Variants in SLC24A2 observed in about 807,000 individuals in gnomAD.
SLC24A2 encodes the protein sodium/potassium/calcium exchanger 2.
SLC24A2 carries 36 observed loss-of-function variants against 62.0 expected under a neutral mutation model. The ratio of observed to expected loss-of-function variants is 0.58; its 90% CI spans 0.44 to 0.77. The LOEUF is 0.77. Ranked by LOEUF, SLC24A2 falls within the 30% of genes least tolerant of loss-of-function variation. SLC24A2 has a pLI of 0.00. For missense variants in SLC24A2, 846 were observed against 817.9 expected (o/e 1.03, Z -0.42); for synonymous variants, 358 against 294.0 (o/e 1.22, Z -2.23).
chr9:20,224,562 A>G, the SLC24A2 span, among the ~76,000 whole-genome samples: 4 of 152,230 alleles, frequency 2.6e-5, no homozygotes, highest in Admixed American at 1.3e-4. Context: ...GTAGAAGTTC[A>G]TAGTCTAGCA....
chr9:20,023,243 C>G, the SLC24A2 span, among the ~76,000 whole-genome samples: 2 of 152,174 alleles, frequency 1.3e-5, no homozygotes, highest in Non-Finnish European at 2.9e-5. Context: ...CCTGGTGTTA[C>G]AGTGTTACAA....
intron 2 of SLC24A2, among the ~76,000 whole-genome samples, chr9:19,636,286 C>CTTCTTCTCTTCTTTTCTTTTCTT (rs1818314587): frequency 1.1e-5 from 1 of 88,086 alleles, no homozygotes; most frequent in South Asian, 3.9e-4. Flanking sequence ...CTCTTCTTCT[C>CTTCTTCTCTTCTTTTCTTTTCTT]TTCTTTTCTT....
chr9:19,988,441 A>T, the SLC24A2 span, among the ~76,000 whole-genome samples: 1 of 152,208 alleles, frequency 6.6e-6, no homozygotes, highest in East Asian at 1.9e-4. Flanking sequence ...AATATGGGTC[A>T]GAGGATGGGC....
At position 19,578,358 on chromosome 9, in the gene SLC24A2, C is replaced by CAAA. The variant is rs3085616; in HGVS notation, c.1130-1339_1130-1337dup. 1.4e-3 allele frequency among the ~76,000 whole-genome samples: 186 copies of CAAA among 135,614 alleles called. 2 individuals are homozygous for CAAA. The highest frequency in any genetic ancestry group is 4.8e-3 in the African/African-American group (175 of 36,336). The allele number at this position is 135,614 out of a possible 152,430, so 89.0% of individuals were successfully genotyped here. A position where few individuals can be genotyped will look rare whatever the true frequency, so the allele number is the denominator to read the frequency against. On this transcript the variant is annotated intron_variant, in intron 5 of 10. Coordinates refer to ENST00000341998, the MANE Select transcript of SLC24A2 (RefSeq NM_020344.4). ...TAATAAGTAAATGCATGCAATAAGCCAAAAAAAAAAAAAAAAAAGCAAGCA... is the reference window on the plus strand; with the variant it reads ...TAATAAGTAAATGCATGCAATAAGCCAAAAAAAAAAAAAAAAAAAAAGCAAGCA...
At chr9:19,746,287 G>A (rs1383970595) in intron 2 of SLC24A2, among the ~76,000 whole-genome samples, 1 of 152,032 alleles carries the variant, frequency 6.6e-6, no homozygotes, top group Admixed American at 6.6e-5. Context: ...GTTCATCAGA[G>A]CTCTACGTAA....
intron 5 of SLC24A2, among the ~76,000 whole-genome samples, chr9:19,590,539 C>A (rs1324377461): frequency 6.6e-6 from 1 of 152,146 alleles, no homozygotes; most frequent in East Asian, 1.9e-4. Context: ...AAAGCAATAA[C>A]CACCCCTTCT....
At chr9:19,863,737 G>T in the SLC24A2 span, among the ~76,000 whole-genome samples, 1 of 151,324 alleles carries the variant, frequency 6.6e-6, no homozygotes. Context: ...AGCTATAAGT[G>T]CCCACATCAA....
the SLC24A2 span, among the ~76,000 whole-genome samples, chr9:19,877,631 G>T: frequency 1.1e-4 from 16 of 151,758 alleles, no homozygotes; most frequent in Non-Finnish European, 2.4e-4. Context: ...AAGACAGCAA[G>T]CTGAGGAGGG....
At chr9:19,867,631 C>T in the SLC24A2 span, among the ~76,000 whole-genome samples, 17 of 152,196 alleles carry the variant, frequency 1.1e-4, no homozygotes, top group East Asian at 1.9e-4. Context: ...ACTTTCAGGC[C>T]GGGCGCAGTG....
chr9:20,102,286 T>C, the SLC24A2 span, among the ~76,000 whole-genome samples: 1 of 151,862 alleles, frequency 6.6e-6, no homozygotes, highest in Non-Finnish European at 1.5e-5. Flanking sequence ...GTGGCACATA[T>C]ACACCACAGA....
intron 2 of SLC24A2, among the ~76,000 whole-genome samples, chr9:19,659,891 G>C (rs1031834043): frequency 1.1e-4 from 17 of 152,278 alleles, no homozygotes; most frequent in Non-Finnish European, 2.1e-4. Flanking sequence ...AGCTGGGCAA[G>C]AGCTCAGGTG....
chr9:20,244,341 A>G, the SLC24A2 span, among the ~76,000 whole-genome samples: 1 of 152,206 alleles, frequency 6.6e-6, no homozygotes, highest in Non-Finnish European at 1.5e-5. Context: ...TCAGCATTGT[A>G]AAGAGCAGGA....
At chr9:20,281,559 T>A in the SLC24A2 span, among the ~76,000 whole-genome samples, 1 of 152,222 alleles carries the variant, frequency 6.6e-6, no homozygotes, top group Non-Finnish European at 1.5e-5. Context: ...AAACTTTATA[T>A]AAAGGTAATC....
chr9:19,521,221 G>A (rs1021763609), intron 9 of SLC24A2, among the ~76,000 whole-genome samples, 161 bp from the exon 10 acceptor site: 1 of 152,218 alleles, frequency 6.6e-6, no homozygotes, highest in East Asian at 1.9e-4. Flanking sequence ...TGCTAATAGA[G>A]TTTATGCTTT....
intron 2 of SLC24A2, among the ~76,000 whole-genome samples, chr9:19,776,770 G>C (rs980197904): frequency 1.3e-5 from 2 of 152,184 alleles, no homozygotes; most frequent in African/African-American, 2.4e-5. Context: ...CTGGTCTTCT[G>C]TTTAGGGTGA....
chr9:20,055,746 G>C, the SLC24A2 span, among the ~76,000 whole-genome samples: 5 of 152,114 alleles, frequency 3.3e-5, no homozygotes, highest in African/African-American at 1.2e-4. Context: ...ATATTAGCCA[G>C]GTGTGGTGGT....
chr9:20,049,903 G>C, the SLC24A2 span, among the ~76,000 whole-genome samples: 1 of 151,914 alleles, frequency 6.6e-6, no homozygotes, highest in East Asian at 1.9e-4. Flanking sequence ...CAGATACGAA[G>C]AAAAAAGGGG....
chr9:20,244,597 C>T, the SLC24A2 span, among the ~76,000 whole-genome samples: 1 of 152,216 alleles, frequency 6.6e-6, no homozygotes, highest in Non-Finnish European at 1.5e-5. Context: ...ATCATTCTGC[C>T]TTCAAAGCTA....
the SLC24A2 span, among the ~76,000 whole-genome samples, chr9:20,031,696 C>T: frequency 1.3e-5 from 2 of 152,096 alleles, no homozygotes; most frequent in Non-Finnish European, 2.9e-5. Flanking sequence ...CCTCCATATA[C>T]ATCATTCCAT....
Sources: gnomAD v4.1 joint callset for allele counts (sites outside exome capture counted in the v4.1 genomes callset) on GRCh38, gnomAD v4.1.1 for gene constraint, MANE v1.5 for transcripts, NCBI Gene and HGNC (gene_info 2026-07-23, HGNC 2026-07-21) for gene names.